Variants in GMDS observed in about 807,000 individuals in gnomAD.
The protein encoded by GMDS is GDP-mannose 4,6-dehydratase, also known as GDP-mannose 4,6 dehydratase.
Under a neutral mutation model 49.9 loss-of-function variants are expected in GMDS, and 20 were observed. The ratio of observed to expected loss-of-function variants is 0.40; its 90% CI spans 0.28 to 0.58. The LOEUF is 0.58. GMDS is among the 20% of genes least tolerant of loss of function. The pLI is 0.42. For missense variants in GMDS, 362 were observed against 481.4 expected, an observed-to-expected ratio of 0.75 and a Z score of 2.32; for synonymous variants, 177 against 178.6, an observed-to-expected ratio of 0.99 and a Z score of 0.07.
intron 7 of GMDS, among the ~76,000 whole-genome samples, chr6:1,751,525 C>T (rs555151313): frequency 4.2e-4 from 64 of 152,290 alleles, no homozygotes; most frequent in African/African-American, 1.5e-3. Flanking sequence ...GATGGAATGT[C>T]GCTCTGTTGC....
At chr6:2,195,731 C>G (rs1779249838) in intron 1 of GMDS, among the ~76,000 whole-genome samples, 1 of 150,940 alleles carries the variant, frequency 6.6e-6, no homozygotes, top group South Asian at 2.1e-4. Flanking sequence ...CCTATAACCC[C>G]AGCTCTTTGG....
chr6:1,991,786 T>TA lies in GMDS; in HGVS notation c.346-30821dup, dbSNP rs577703230. ...CTCAGAATGTGATCTCATTTGTAATTAGAGTACCTGCCGATGTAATTTGAT... is the reference window on the plus strand; with the variant it reads ...CTCAGAATGTGATCTCATTTGTAATTAAGAGTACCTGCCGATGTAATTTGAT... On this transcript the variant is annotated intron_variant, in intron 4 of 10. Transcript: ENST00000380815. Among the ~76,000 whole-genome samples the TA allele has an allele frequency of 1.4e-4, 21 of 152,260 alleles. No homozygotes were observed. The South Asian group carries it at 4.2e-3, about 30-fold the overall frequency.
intron 1 of GMDS, among the ~76,000 whole-genome samples, chr6:2,139,785 G>A (rs1040093044): frequency 1.3e-5 from 2 of 152,186 alleles, no homozygotes; most frequent in Non-Finnish European, 2.9e-5. Context: ...TTTCATGAGA[G>A]ATGAGGCAAG....
chr6:2,135,226 T>C (rs937496435), intron 1 of GMDS, among the ~76,000 whole-genome samples: 10 of 152,320 alleles, frequency 6.6e-5, no homozygotes, highest in African/African-American at 2.4e-4. Context: ...CAAAATAATA[T>C]TTCAAATTTA....
At chr6:2,243,843 CTTTTTTTTTTTT>C (rs68171156) in intron 1 of GMDS, among the ~76,000 whole-genome samples, 29 of 58,150 alleles carry the variant, frequency 5.0e-4, no homozygotes, top group South Asian at 3.1e-3. Context: ...ACTTCTCCTT[CTTTTTTTTTTTT>C]TTTTTTTTTT....
intron 4 of GMDS, among the ~76,000 whole-genome samples, chr6:2,060,795 C>T (rs575257121): frequency 9.5e-4 from 145 of 151,902 alleles, no homozygotes; most frequent in African/African-American, 3.3e-3. Context: ...TTTGGGAGGC[C>T]GAGGTGGGTG....
At chr6:1,752,031 G>A (rs1330457208) in intron 7 of GMDS, among the ~76,000 whole-genome samples, 1 of 152,286 alleles carries the variant, frequency 6.6e-6, no homozygotes, top group East Asian at 1.9e-4. Context: ...GACAGAGAAT[G>A]AGTTTGATGA....
At chr6:1,687,903 A>C (rs1194017528) in intron 9 of GMDS, among the ~76,000 whole-genome samples, 2 of 152,114 alleles carry the variant, frequency 1.3e-5, no homozygotes, top group African/African-American at 4.8e-5. Flanking sequence ...GAACACTGTA[A>C]GCTGCGGGAA....
chr6:2,213,522 T>A (rs1398195487), intron 1 of GMDS, among the ~76,000 whole-genome samples: 3 of 152,170 alleles, frequency 2.0e-5, no homozygotes, highest in Non-Finnish European at 1.5e-5. Context: ...GATTTTGTCA[T>A]AAAGGTACAC....
intron 9 of GMDS, among the ~76,000 whole-genome samples, chr6:1,641,999 C>T (rs535113365): frequency 6.6e-4 from 100 of 152,090 alleles, no homozygotes; most frequent in Non-Finnish European, 1.3e-3. Flanking sequence ...CTTCAGGATG[C>T]CCCTGTCCTT....
At chr6:2,004,228 A>G (rs1767012218) in intron 4 of GMDS, among the ~76,000 whole-genome samples, 1 of 152,228 alleles carries the variant, frequency 6.6e-6, no homozygotes, top group Non-Finnish European at 1.5e-5. Flanking sequence ...TTGGTCATAC[A>G]ACGCCTACAG....
intron 8 of GMDS, among the ~76,000 whole-genome samples, chr6:1,734,276 C>CA (rs1355296398): frequency 2.0e-5 from 3 of 152,160 alleles, no homozygotes; most frequent in African/African-American, 7.2e-5. Flanking sequence ...CCATCTACCA[C>CA]AAAAAATGTG....
chr6:1,768,281 T>G (rs1768437484), intron 7 of GMDS, among the ~76,000 whole-genome samples: 1 of 152,176 alleles, frequency 6.6e-6, no homozygotes, highest in South Asian at 2.1e-4. Context: ...TCCACAAATA[T>G]TTGAAAGAAT....
intron 7 of GMDS, among the ~76,000 whole-genome samples, chr6:1,805,572 C>T (rs1486660281): frequency 1.3e-5 from 2 of 152,150 alleles, no homozygotes; most frequent in Non-Finnish European, 2.9e-5. Context: ...CATTCTTTCA[C>T]CGATATACAG....
At chr6:1,906,401 C>T (rs1029499922) in intron 7 of GMDS, among the ~76,000 whole-genome samples, 1 of 152,182 alleles carries the variant, frequency 6.6e-6, no homozygotes, top group East Asian at 1.9e-4. Flanking sequence ...TTAGCCCACA[C>T]CAAAACACTA....
rs75550201 is a variant in GMDS, at chr6:2,043,035, C to T, written c.345+72736G>A. Among the ~76,000 whole-genome samples, 739 of 152,214 alleles carry T rather than the reference C, an allele frequency of 4.9e-3. 4 individuals carry two copies. Among genetic ancestry groups the T allele is most frequent in the African/African-American group, 0.016 (682 of 41,540 alleles). ...CTATGGCTAGAAAGACATCTGTGGA[C>T]GTCTCTGGGGTTTCATCAAGCCTCA... On this transcript the variant is annotated intron_variant, in intron 4 of 10. Transcript: ENST00000380815.
chr6:2,162,126 A>C (rs2127546513), intron 1 of GMDS, among the ~76,000 whole-genome samples: 1 of 152,354 alleles, frequency 6.6e-6, no homozygotes, highest in Non-Finnish European at 1.5e-5. Flanking sequence ...TCTTGAGACT[A>C]AACTGGCCCC....
At chr6:1,941,801 A>T (rs1192398854) in intron 6 of GMDS, among the ~76,000 whole-genome samples, 1 of 152,182 alleles carries the variant, frequency 6.6e-6, no homozygotes. Context: ...GGAGCTCCAG[A>T]CAGACAGCTC....
intron 9 of GMDS, among the ~76,000 whole-genome samples, chr6:1,663,659 G>A (rs746227553): frequency 6.6e-6 from 1 of 152,060 alleles, no homozygotes; most frequent in Non-Finnish European, 1.5e-5. Context: ...AGGAATACTG[G>A]CCCCACTGCT....
Sources: gnomAD v4.1 joint callset for allele counts (sites outside exome capture counted in the v4.1 genomes callset) on GRCh38, gnomAD v4.1.1 for gene constraint, MANE v1.5 for transcripts, NCBI Gene and HGNC (gene_info 2026-07-23, HGNC 2026-07-21) for gene names.